Variants in CCDC7 observed in about 807,000 individuals in gnomAD.
The protein encoded by CCDC7 is coiled-coil domain containing 7.
CCDC7 carries 183 observed loss-of-function variants against 196.9 expected under a neutral mutation model. The ratio of observed to expected loss-of-function variants is 0.93; its 90% confidence interval spans 0.82 to 1.05. The LOEUF (loss-of-function observed/expected upper bound fraction) is 1.05, where lower values mean the gene tolerates loss of function less well. CCDC7 is among the 50% of genes least tolerant of loss of function. CCDC7 has a pLI of 0.00. For missense variants in CCDC7, 1,540 were observed against 1,482.2 expected (o/e 1.04, Z -0.64); for synonymous variants, 525 against 484.6 (o/e 1.08, Z -1.10).
At chr10:32,650,218 T>C (rs1591114416) in intron 20 of CCDC7, among the ~76,000 whole-genome samples, 1 of 152,196 alleles carries the variant, frequency 6.6e-6, no homozygotes, top group African/African-American at 2.4e-5. Flanking sequence ...TAAGGCTCTG[T>C]ATAGGGTCTT....
chr10:32,572,595 T>C (rs2057707648), intron 16 of CCDC7, among the ~76,000 whole-genome samples: 1 of 152,124 alleles, frequency 6.6e-6, no homozygotes, highest in Non-Finnish European at 1.5e-5. Flanking sequence ...ATGTTTATAT[T>C]TATATGTTTT....
chr10:32,580,703 G>A lies in CCDC7; in HGVS notation c.1455-2331G>A, dbSNP rs144764354. On this transcript the variant is annotated intron_variant, in intron 16 of 41. Coordinates refer to ENST00000639629, the Ensembl canonical transcript of CCDC7. Reference sequence around the variant, plus strand: ...TAGTATTTTATTGATAATTTGTCTCGTATTTGCATTGATAATTAAAAATTC... The same window carrying A: ...TAGTATTTTATTGATAATTTGTCTCATATTTGCATTGATAATTAAAAATTC... Among the ~76,000 whole-genome samples the A allele has an allele frequency of 1.3e-4, 20 of 151,888 alleles. No individual in the cohort carries two copies. In the East Asian group the frequency reaches 2.7e-3, roughly 21 times the overall value.
intron 6 of CCDC7, among the ~76,000 whole-genome samples, chr10:32,471,942 C>T (rs1429322262): frequency 2.6e-5 from 4 of 152,090 alleles, no homozygotes; most frequent in East Asian, 3.9e-4. Context: ...TGTGTACTAG[C>T]GATTTTTGTA....
intron 33 of CCDC7, among the ~76,000 whole-genome samples, chr10:32,836,046 T>C (rs1417816439): frequency 6.6e-6 from 1 of 152,140 alleles, no homozygotes; most frequent in East Asian, 1.9e-4. Context: ...AGTAAAGTTA[T>C]TCAGTTGTGT....
rs1012564842 is a variant in CCDC7 at position 32,667,935 on chromosome 10, A to G, written c.2122+3774A>G. Among the ~76,000 whole-genome samples the G allele has an allele frequency of 3.3e-5, 5 of 152,216 alleles. No homozygotes were observed. The South Asian group carries it at 1.0e-3, about 32-fold the overall frequency. On this transcript the variant is annotated intron_variant, in intron 21 of 41. Transcript: ENST00000639629. Reference sequence around the variant, plus strand: ...TCACTGGTAGCTTGATGGGGATGGCATTGAATCTATAAATTACCTTGGGCA... The same window carrying G: ...TCACTGGTAGCTTGATGGGGATGGCGTTGAATCTATAAATTACCTTGGGCA...
chr10:32,659,686 TC>T (rs1226656574), intron 20 of CCDC7, among the ~76,000 whole-genome samples: 1 of 152,088 alleles, frequency 6.6e-6, no homozygotes, highest in Non-Finnish European at 1.5e-5. Context: ...AATGGACACT[TC>T]CAAAGAAGAC....
chr10:32,758,838 T>C (rs910487716), intron 28 of CCDC7, among the ~76,000 whole-genome samples: 4 of 152,096 alleles, frequency 2.6e-5, no homozygotes, highest in Non-Finnish European at 4.4e-5. Flanking sequence ...GATTGTATAT[T>C]TAGAAAACCC....
At chr10:32,695,753 T>C (rs111566832) in intron 24 of CCDC7, among the ~76,000 whole-genome samples, 24 of 152,230 alleles carry the variant, frequency 1.6e-4, no homozygotes, top group African/African-American at 5.8e-4. Flanking sequence ...TAAGGCGGAC[T>C]GATCTTGATC....
chr10:32,515,632 C>T (rs944695611), intron 9 of CCDC7, among the ~76,000 whole-genome samples: 1 of 152,078 alleles, frequency 6.6e-6, no homozygotes, highest in Non-Finnish European at 1.5e-5. Flanking sequence ...CAAGCTCTGC[C>T]TCCCGGGTTC....
chr10:32,778,332 T>A (rs961823704), intron 28 of CCDC7, among the ~76,000 whole-genome samples: 2 of 152,252 alleles, frequency 1.3e-5, no homozygotes, highest in Non-Finnish European at 2.9e-5. Context: ...TACATTTAAA[T>A]CTTTAATCCT....
At chr10:32,543,012 G>A (rs1374090150) in intron 11 of CCDC7, among the ~76,000 whole-genome samples, 3 of 152,106 alleles carry the variant, frequency 2.0e-5, no homozygotes, top group Non-Finnish European at 4.4e-5. Context: ...ATAGTGAGGT[G>A]ATTTTCAGGA....
intron 11 of CCDC7, among the ~76,000 whole-genome samples, chr10:32,522,183 G>C (rs1229869579): frequency 1.3e-5 from 2 of 152,126 alleles, no homozygotes; most frequent in African/African-American, 4.8e-5. Flanking sequence ...GGGTAATGCT[G>C]GTCTTGTAGA....
At chr10:32,581,797 C>T (rs2058752152) in intron 16 of CCDC7, among the ~76,000 whole-genome samples, 1 of 151,970 alleles carries the variant, frequency 6.6e-6, no homozygotes, top group East Asian at 1.9e-4. Context: ...CCCTAATAAC[C>T]ATTTCAGAAT....
At position 32,795,402 on chromosome 10, in the gene CCDC7, A is replaced by G. The variant is rs372327798; in HGVS notation, c.3014-9613A>G. Among the ~76,000 whole-genome samples, 11 of 152,218 alleles carry G rather than the reference A, an allele frequency of 7.2e-5. No individual in the cohort carries two copies. In the East Asian group the frequency reaches 1.9e-3, roughly 27 times the overall value. ...TAAGCAAATGTATTTCTCAGCGCCA[A>G]GATTTGTTTGATTTTTAAAATTATT... On this transcript the variant is annotated intron_variant, in intron 29 of 41. Coordinates refer to ENST00000639629, the Ensembl canonical transcript of CCDC7.
chr10:32,594,441 G>T (rs142002402), intron 18 of CCDC7, among the ~76,000 whole-genome samples: 21,009 of 152,190 alleles, frequency 0.14, 1,755 homozygotes, highest in East Asian at 0.25. Flanking sequence ...AGCTTAAGGA[G>T]ATTTTGGGCT....
chr10:32,563,327 A>G (rs1247598267), intron 13 of CCDC7, among the ~76,000 whole-genome samples: 1 of 152,222 alleles, frequency 6.6e-6, no homozygotes. Flanking sequence ...ACCAAAAAAG[A>G]GCCCGCATTG....
chr10:32,761,870 A>C (rs1052980446), intron 28 of CCDC7, among the ~76,000 whole-genome samples: 1 of 151,980 alleles, frequency 6.6e-6, no homozygotes, highest in Non-Finnish European at 1.5e-5. Context: ...TGGAAGCAGA[A>C]TTTGTAGAGA....
chr10:32,810,414 G>T (rs2086828539), intron 30 of CCDC7, among the ~76,000 whole-genome samples: 1 of 152,018 alleles, frequency 6.6e-6, no homozygotes, highest in Non-Finnish European at 1.5e-5. Flanking sequence ...ACAATAAAAA[G>T]AGATAAGGAT....
chr10:32,654,824 T>G (rs554016594), intron 20 of CCDC7, among the ~76,000 whole-genome samples: 1 of 152,342 alleles, frequency 6.6e-6, no homozygotes, highest in Non-Finnish European at 1.5e-5. Flanking sequence ...ATATGTGTTT[T>G]GTCTATTAGA....
Sources: allele counts gnomAD v4.1 joint callset (sites outside exome capture counted in the v4.1 genomes callset), GRCh38; gene constraint gnomAD v4.1.1; transcripts MANE v1.5; gene names NCBI Gene and HGNC (gene_info 2026-07-23, HGNC 2026-07-21).